Variants in SNX29 observed in about 807,000 individuals in gnomAD.
SNX29 encodes the protein sorting nexin 29, also known as sorting nexin-29.
SNX29 carries 78 observed loss-of-function variants against 102.1 expected under a neutral mutation model. That is an observed-to-expected ratio of 0.76 (90% CI 0.64 to 0.92). The LOEUF (loss-of-function observed/expected upper bound fraction) is 0.92, where lower values mean the gene tolerates loss of function less well. Among genes scored for constraint, SNX29 ranks in the 40% least tolerant of loss-of-function variants. The probability of loss-of-function intolerance (pLI) is 0.00; values close to 1 mark genes in which losing one functional copy is unlikely to be tolerated. For missense variants in SNX29, 1,280 were observed against 1,061.7 expected (o/e 1.21, Z -2.86); for synonymous variants, 580 against 414.5 (o/e 1.40, Z -4.85).
At chr16:12,448,657 G>T (rs2086169095) in intron 18 of SNX29, among the ~76,000 whole-genome samples, 1 of 152,110 alleles carries the variant, frequency 6.6e-6, no homozygotes, top group African/African-American at 2.4e-5. Context: ...TTGTTGGCTG[G>T]AAAAGCCTGA....
intron 20 of SNX29, among the ~76,000 whole-genome samples, chr16:12,543,154 A>C (rs1222608581): frequency 6.6e-6 from 1 of 152,166 alleles, no homozygotes; most frequent in Non-Finnish European, 1.5e-5. Flanking sequence ...CCTGAAGCAT[A>C]AGTGTTCTCA....
Position 12,073,990 on chromosome 16 carries a change from C to A in SNX29, c.1320-4843C>A, listed in dbSNP as rs532995932. Among the ~76,000 whole-genome samples, 6 of 152,186 alleles carry A rather than the reference C, an allele frequency of 3.9e-5. No individual in the cohort carries two copies. In the East Asian group the frequency reaches 1.2e-3, roughly 29 times the overall value. ...CTTTTATCAGAGACTAGGATTGCAA[C>A]CCCTGCCTTTTTTTTGTTTTCCATT... On this transcript the variant is annotated intron_variant, in intron 10 of 20. Coordinates refer to ENST00000566228, the MANE Select transcript of SNX29 (RefSeq NM_032167.5).
At chr16:12,528,868 G>A (rs977175957) in intron 20 of SNX29, among the ~76,000 whole-genome samples, 1 of 152,360 alleles carries the variant, frequency 6.6e-6, no homozygotes, top group South Asian at 2.1e-4. Flanking sequence ...TGGGAACTGA[G>A]AAGGTGGGCA....
chr16:12,488,641 A>G (rs1005121602), intron 19 of SNX29, among the ~76,000 whole-genome samples: 2 of 151,996 alleles, frequency 1.3e-5, no homozygotes, highest in Non-Finnish European at 2.9e-5. Context: ...CCCTCGTCCT[A>G]TGTCCCTTCA....
At chr16:12,284,461 A>C (rs2079530578) in intron 15 of SNX29, among the ~76,000 whole-genome samples, 1 of 151,604 alleles carries the variant, frequency 6.6e-6, no homozygotes, top group African/African-American at 2.4e-5. Context: ...TTCCCTCTCC[A>C]CCATAGCGTG....
In SNX29 at chr16:12,275,934, C is replaced by A. The variant is rs13339194; in HGVS notation, c.1679-1999C>A. On this transcript the variant is annotated intron_variant, in intron 14 of 20. Transcript: ENST00000566228. ...CGTGGTCAGAGTCTTGCTCTGTTGC[C>A]CAGGCTGGAGTGCAGTGGCACCATC... is the stretch of plus-strand genomic sequence containing the variant. 9.9e-3 allele frequency among the ~76,000 whole-genome samples: 1,403 copies of A among 142,046 alleles called. 29 individuals are homozygous for A. Among genetic ancestry groups the A allele is most frequent in the African/African-American group, 0.036 (1,324 of 36,430 alleles). The allele number at this position is 142,046 out of a possible 152,430, so 93.2% of individuals were successfully genotyped here.
At chr16:12,564,692 G>T (rs193076333) in intron 20 of SNX29, among the ~76,000 whole-genome samples, 1 of 152,268 alleles carries the variant, frequency 6.6e-6, no homozygotes, top group African/African-American at 2.4e-5. Flanking sequence ...CTGTTGCTTA[G>T]GCCCCAGAGC....
chr16:12,479,466 G>T (rs1227336498), intron 19 of SNX29, among the ~76,000 whole-genome samples: 2 of 152,188 alleles, frequency 1.3e-5, no homozygotes, highest in Non-Finnish European at 2.9e-5. Flanking sequence ...GCCAAGGTCT[G>T]CTCGATTTGA....
intron 19 of SNX29, among the ~76,000 whole-genome samples, chr16:12,521,490 G>A (rs2090100311): frequency 6.6e-6 from 1 of 152,072 alleles, no homozygotes; most frequent in Admixed American, 6.5e-5. Flanking sequence ...GGGCTCTGTA[G>A]CACCACCCCA....
chr16:12,076,888 C>A (rs2051600351), intron 10 of SNX29, among the ~76,000 whole-genome samples: 1 of 152,152 alleles, frequency 6.6e-6, no homozygotes, highest in South Asian at 2.1e-4. Context: ...AATGACATTG[C>A]TTGTAGGAAG....
intron 14 of SNX29, among the ~76,000 whole-genome samples, chr16:12,276,872 G>C (rs544863335): frequency 6.6e-6 from 1 of 152,082 alleles, no homozygotes; most frequent in African/African-American, 2.4e-5. Flanking sequence ...GCTCTGACCT[G>C]GGAGCCAGTC....
intron 19 of SNX29, among the ~76,000 whole-genome samples, chr16:12,510,502 G>A (rs550356754): frequency 2.6e-5 from 4 of 152,172 alleles, no homozygotes; most frequent in African/African-American, 9.6e-5. Flanking sequence ...GCGAAACCCT[G>A]TCTCTACTAA....
chr16:12,043,529 A>G (rs1055717015), intron 5 of SNX29, among the ~76,000 whole-genome samples: 3 of 151,656 alleles, frequency 2.0e-5, no homozygotes, highest in Admixed American at 2.0e-4. Flanking sequence ...TAATTTAAAA[A>G]ATTTTTTTGT....
chr16:12,173,243 C>T (rs963060258), intron 13 of SNX29, among the ~76,000 whole-genome samples: 2 of 152,148 alleles, frequency 1.3e-5, no homozygotes, highest in East Asian at 1.9e-4. Context: ...TTCCAACAGG[C>T]GGTTCCAACA....
chr16:12,494,135 G>T (rs923117381), intron 19 of SNX29, among the ~76,000 whole-genome samples: 7 of 152,134 alleles, frequency 4.6e-5, no homozygotes, highest in South Asian at 4.1e-4. Flanking sequence ...ATCCCTTGAT[G>T]CCCGGAGTTC....
At chr16:12,457,136 A>T (rs1173096338) in intron 18 of SNX29, among the ~76,000 whole-genome samples, 1 of 152,210 alleles carries the variant, frequency 6.6e-6, no homozygotes, top group Non-Finnish European at 1.5e-5. Context: ...TTGTGTGTTC[A>T]TGTAGCATTT....
At chr16:12,463,662 G>A (rs2086913067) in intron 18 of SNX29, among the ~76,000 whole-genome samples, 1 of 152,082 alleles carries the variant, frequency 6.6e-6, no homozygotes, top group Non-Finnish European at 1.5e-5. Context: ...CCAAACCATA[G>A]CAACCTCTAT....
At chr16:12,291,462 C>T (rs763461364) in intron 15 of SNX29, among the ~76,000 whole-genome samples, 3 of 152,168 alleles carry the variant, frequency 2.0e-5, no homozygotes, top group African/African-American at 7.2e-5. Flanking sequence ...GTCTCTCCCA[C>T]GACACGTGGG....
intron 14 of SNX29, among the ~76,000 whole-genome samples, chr16:12,263,060 G>A (rs1389203194): frequency 6.6e-6 from 1 of 152,062 alleles, no homozygotes; most frequent in African/African-American, 2.4e-5. Context: ...TGGGCACTTA[G>A]CCAGCCTCCA....
Sources: gnomAD v4.1 joint callset for allele counts (sites outside exome capture counted in the v4.1 genomes callset) on GRCh38, gnomAD v4.1.1 for gene constraint, MANE v1.5 for transcripts, NCBI Gene and HGNC (gene_info 2026-07-23, HGNC 2026-07-21) for gene names.